PRSS3: variants seen among roughly 807,000 people sequenced by gnomAD.
The protein encoded by PRSS3 is trypsin-3.
In PRSS3, 14 loss-of-function variants were observed where a neutral mutation model predicts 20.8. The observed-to-expected ratio is 0.67, with a 90% confidence interval of 0.44 to 1.05. The LOEUF (loss-of-function observed/expected upper bound fraction) is 1.05. Ranked by LOEUF, PRSS3 falls within the 50% of genes least tolerant of loss-of-function variation. PRSS3 has a pLI of 0.00. For synonymous variants in PRSS3, 91 were observed against 117.6 expected (o/e 0.77, Z 1.46); for missense variants, 237 against 306.4 (o/e 0.77, Z 1.69).
intron 1 of PRSS3, among the ~76,000 whole-genome samples, chr9:33,755,801 G>A (rs1378448338): frequency 1.3e-5 from 2 of 152,106 alleles, no homozygotes; most frequent in Non-Finnish European, 2.9e-5. Context: ...GCTACTAATT[G>A]CATGGAGCTG....
intron 1 of PRSS3, among the ~76,000 whole-genome samples, chr9:33,751,657 C>A (rs1270319067): frequency 2.0e-5 from 3 of 152,078 alleles, no homozygotes; most frequent in Non-Finnish European, 4.4e-5. Context: ...CCTAGGGTGG[C>A]ATAGCCTTCC....
chr9:33,794,746 G>T, upstream of PRSS3: 1 of 1,547,298 alleles, frequency 6.5e-7, no homozygotes, highest in Non-Finnish European at 8.7e-7. Context: ...CTAAGTGCAG[G>T]TTGCCAGGAC....
chr9:33,783,653 C>T (rs1294020221), intron 1 of PRSS3, among the ~76,000 whole-genome samples: 12 of 151,860 alleles, frequency 7.9e-5, no homozygotes, highest in African/African-American at 1.2e-4. Flanking sequence ...TGAAATATGC[C>T]GATAAGAACC....
intron 1 of PRSS3, among the ~76,000 whole-genome samples, chr9:33,762,799 A>G (rs1823260170): frequency 6.6e-6 from 1 of 152,194 alleles, no homozygotes; most frequent in South Asian, 2.1e-4. Context: ...AAGAACAGCA[A>G]CTTTAGGTCA....
At chr9:33,768,295 C>T (rs1485473372) in intron 1 of PRSS3, among the ~76,000 whole-genome samples, 1 of 151,734 alleles carries the variant, frequency 6.6e-6, no homozygotes, top group Non-Finnish European at 1.5e-5. Flanking sequence ...GCCTGGCCAA[C>T]ATGGTGAAAC....
Position 33,788,966 on chromosome 9 carries a change from C to T in PRSS3, c.-52-5780C>T, listed in dbSNP as rs139930493. 2.7e-3 allele frequency among the ~76,000 whole-genome samples: 415 copies of T among 152,250 alleles called. 1 individual carries two copies. The highest frequency in any genetic ancestry group is 4.9e-3 in the Non-Finnish European group (330 of 68,022). On this transcript the variant is annotated intron_variant, in intron 1 of 5. Transcript: ENST00000342836. ...TAATCTTTCAGCTGACTTTGTTCATCTAAATTATATTAATTTTTATTTCTA... is the reference window on the plus strand; with the variant it reads ...TAATCTTTCAGCTGACTTTGTTCATTTAAATTATATTAATTTTTATTTCTA...
chr9:33,774,830 A>T (rs1823852397), intron 1 of PRSS3, among the ~76,000 whole-genome samples: 1 of 152,050 alleles, frequency 6.6e-6, no homozygotes, highest in African/African-American at 2.4e-5. Context: ...TACTAAAAAC[A>T]CAAAAAAATT....
chr9:33,773,780 A>G (rs116967726), intron 1 of PRSS3, among the ~76,000 whole-genome samples: 7,263 of 152,132 alleles, frequency 0.048, 221 homozygotes, highest in Middle Eastern at 0.082. Context: ...AGTAGCTTGG[A>G]CTACGGCGTG....
At chr9:33,756,958 T>C (rs533104460) in intron 1 of PRSS3, among the ~76,000 whole-genome samples, 2 of 152,320 alleles carry the variant, frequency 1.3e-5, no homozygotes, top group South Asian at 4.1e-4. Flanking sequence ...CTGGCTTCAT[T>C]GTAGGGTGGT....
At chr9:33,758,758 T>C (rs1823059519) in intron 1 of PRSS3, among the ~76,000 whole-genome samples, 1 of 152,222 alleles carries the variant, frequency 6.6e-6, no homozygotes, top group South Asian at 2.1e-4. Context: ...ATAGTGATGG[T>C]ACCAACAATT....
intron 1 of PRSS3, among the ~76,000 whole-genome samples, chr9:33,795,995 T>C (rs763812448): frequency 9.2e-5 from 14 of 152,236 alleles, no homozygotes; most frequent in Non-Finnish European, 2.1e-4. Context: ...TGCCAGAGAT[T>C]CAACTCTAGA....
chr9:33,791,464 A>C (rs1824626006), upstream of PRSS3, among the ~76,000 whole-genome samples: 1 of 152,250 alleles, frequency 6.6e-6, no homozygotes, highest in Non-Finnish European at 1.5e-5. Context: ...GAAGGAACCC[A>C]GTTGACTGGA....
intron 1 of PRSS3, among the ~76,000 whole-genome samples, chr9:33,763,847 A>G (rs2118827567): frequency 6.6e-6 from 1 of 152,280 alleles, no homozygotes; most frequent in East Asian, 1.9e-4. Flanking sequence ...CTCTGCCCAC[A>G]CTACCTGACT....
chr9:33,763,431 G>A (rs868317006), intron 1 of PRSS3, among the ~76,000 whole-genome samples: 1 of 152,224 alleles, frequency 6.6e-6, no homozygotes, highest in Non-Finnish European at 1.5e-5. Context: ...CGGGCGTGGT[G>A]GCTCACGCCT....
intron 1 of PRSS3, among the ~76,000 whole-genome samples, chr9:33,769,830 A>T (rs1446967293): frequency 6.6e-6 from 1 of 152,220 alleles, no homozygotes; most frequent in Admixed American, 6.5e-5. Context: ...CACCCTGTGG[A>T]CCCAGACAAC....
At chr9:33,784,695 A>G (rs1824314874) in intron 1 of PRSS3, among the ~76,000 whole-genome samples, 1 of 152,210 alleles carries the variant, frequency 6.6e-6, no homozygotes, top group Non-Finnish European at 1.5e-5. Flanking sequence ...TCTCAGAATC[A>G]AATAAGATAG....
At chr9:33,761,537 C>T (rs577320576) in intron 1 of PRSS3, among the ~76,000 whole-genome samples, 19 of 151,930 alleles carry the variant, frequency 1.3e-4, no homozygotes, top group African/African-American at 3.4e-4. Context: ...AGAAACCCTG[C>T]CTCTACTAAA....
chr9:33,791,398 G>A (rs143628951), upstream of PRSS3, among the ~76,000 whole-genome samples: 1,259 of 152,282 alleles, frequency 8.3e-3, 14 homozygotes, highest in African/African-American at 0.028. Flanking sequence ...TGACTGACCC[G>A]TTGGCTGCCT....
At position 33,750,760 on chromosome 9, in the gene PRSS3, CT is replaced by C. The variant is rs1822649711; in HGVS notation, c.-53+34del. On this transcript the variant is annotated intron_variant, in intron 1 of 5. Coordinates refer to the PRSS3 transcript ENST00000342836. The surrounding 1 kb of genome is among the most constrained non-coding windows in gnomAD (Gnocchi z 4.8). ...GTCAGTACCCGCAGGGGGCTTGAAA[CT>C]GGAGGAGGGCTCGAAGGGAGAGGGA... 7.1e-7 allele frequency: 1 copy of C among 1,417,626 alleles called. No individual in the cohort carries two copies. The highest frequency in any genetic ancestry group is 3.1e-5 in the Admixed American group (1 of 31,792). 87.8% of individuals were successfully genotyped at this position (1,417,626 alleles called of 1,614,324 possible).
Sources: allele counts gnomAD v4.1 joint callset (sites outside exome capture counted in the v4.1 genomes callset), GRCh38; gene constraint gnomAD v4.1.1; non-coding constraint Gnocchi (gnomAD v3.1); transcripts MANE v1.5; gene names NCBI Gene and HGNC (gene_info 2026-07-23, HGNC 2026-07-21).